The following RELN variants were observed in gnomAD, a reference collection of about 807,000 sequenced individuals.
The protein encoded by RELN is reelin.
RELN carries 108 observed loss-of-function variants against 427.6 expected under a neutral mutation model. The observed-to-expected ratio is 0.25, with a 90% CI of 0.22 to 0.30. RELN has a LOEUF of 0.30. RELN is among the 10% of genes least tolerant of loss of function. RELN has a pLI of 1.00. For missense variants in RELN, 3,715 were observed against 4,302.8 expected (o/e 0.86, Z 3.82); for synonymous variants, 1,524 against 1,513.4 (o/e 1.01, Z -0.16).
chr7:103,739,228 T>C (rs746727667), intron 6 of RELN, among the ~76,000 whole-genome samples: 8 of 152,246 alleles, frequency 5.3e-5, no homozygotes, highest in African/African-American at 1.2e-4. Context: ...GTTTATATTA[T>C]AGTGCAATAA....
intron 3 of RELN, among the ~76,000 whole-genome samples, chr7:103,797,318 C>T (rs1333368185): frequency 2.0e-5 from 3 of 152,052 alleles, no homozygotes; most frequent in Admixed American, 6.6e-5. Context: ...GTTGGCTAGG[C>T]GGTCTCGAAC....
intron 10 of RELN, among the ~76,000 whole-genome samples, chr7:103,691,578 T>A (rs1242371907): frequency 6.6e-6 from 1 of 152,064 alleles, no homozygotes; most frequent in Non-Finnish European, 1.5e-5. Flanking sequence ...TTTAAGAGGC[T>A]GAGGTGGGTG....
At position 103,611,549 on chromosome 7, in the gene RELN, T is replaced by TA. The variant is rs899616164; in HGVS notation, c.2895+61_2895+62insT. 2.9e-5 allele frequency: 39 copies of TA among 1,336,892 alleles called. No individual in the cohort carries two copies. The African/African-American group carries it at 5.3e-4, about 18-fold the overall frequency. The allele number at this position is 1,336,892 out of a possible 1,614,324, so 82.8% of individuals were successfully genotyped here. A position where few individuals can be genotyped will look rare whatever the true frequency, so the allele number is the denominator to read the frequency against. On this transcript the variant is annotated intron_variant, in intron 21 of 64. Transcript: ENST00000428762. ...TCTAGAACTGTAATTTTTTTTTTTTTTGGCTTCCTAGGTAAAAGGCAGAAG... is the reference window on the plus strand; with the variant it reads ...TCTAGAACTGTAATTTTTTTTTTTTTATGGCTTCCTAGGTAAAAGGCAGAAG...
At position 103,486,283 on chromosome 7, in the gene RELN, G is replaced by T. The variant is rs773445172; in HGVS notation, c.9897C>A (p.Ala3299=). 1 of 1,614,152 alleles carries T rather than the reference G, an allele frequency of 6.2e-7. No individual in the cohort carries two copies. The highest frequency in any genetic ancestry group is 2.2e-5 in the East Asian group (1 of 44,882). ...GVIGSGCGQL[A]PYAHGDSLYF... The stretch of plus-strand genomic sequence containing the variant: ...ACAGTGAGTCTCCATGGGCGTAGGG[G>T]GCCAGCTGCCCACAGCCACTTCCTA... The change falls in exon 61 of 65, where the codon GCC becomes GCA. Residue 3299 remains alanine (A), a synonymous_variant. Coordinates refer to ENST00000428762, the MANE Select transcript of RELN (RefSeq NM_005045.4).
At chr7:103,627,859 T>A (rs1012959190) in intron 20 of RELN, 1 of 152,218 alleles carries the variant, frequency 6.6e-6, no homozygotes, top group Admixed American at 6.5e-5. Context: ...ATCAGACTTG[T>A]GTGAAGGGAT....
chr7:103,897,445 G>T (rs1015940062), intron 2 of RELN, among the ~76,000 whole-genome samples: 6 of 152,008 alleles, frequency 3.9e-5, no homozygotes, highest in African/African-American at 1.4e-4. Flanking sequence ...GTGCTCACAT[G>T]TGTATTTATG....
intron 3 of RELN, among the ~76,000 whole-genome samples, chr7:103,820,394 T>G (rs755669057): frequency 6.6e-6 from 1 of 152,038 alleles, no homozygotes; most frequent in South Asian, 2.1e-4. Context: ...AATTCCTCTT[T>G]TGAAGTTTAA....
At chr7:103,509,004 T>C (rs1209394743) in intron 51 of RELN, among the ~76,000 whole-genome samples, 2 of 149,044 alleles carry the variant, frequency 1.3e-5, no homozygotes, top group Admixed American at 6.6e-5. Flanking sequence ...TAAGAGAGGA[T>C]GCAAACAAAC....
intron 2 of RELN, among the ~76,000 whole-genome samples, chr7:103,868,745 C>T (rs533102935): frequency 1.1e-3 from 166 of 152,172 alleles, no homozygotes; most frequent in South Asian, 4.1e-3. Context: ...GACTGTTAAA[C>T]AGTACATATA....
At chr7:103,483,592 T>A in intron 62 of RELN, 61 bp downstream of exon 62, 2 of 1,541,904 alleles carry the variant, frequency 1.3e-6, no homozygotes, top group Non-Finnish European at 1.8e-6. Context: ...AACTTTGTGA[T>A]TCCCAGGGAT....
chr7:103,652,599 A>G lies in RELN; in HGVS notation c.1715T>C (p.Ile572Thr), dbSNP rs1832943582. ...PVLPSTMSHM[I>T]QFSINLGCGT... ...ACATCCCAGATTGATGGAAAACTGTATCATGTGAGACATTGTAGAAGGGAG... is the reference window on the plus strand; with the variant it reads ...ACATCCCAGATTGATGGAAAACTGTGTCATGTGAGACATTGTAGAAGGGAG... The change falls in exon 14 of 65, where the codon ATA (isoleucine) becomes ACA (threonine). Residue 572 changes from isoleucine to threonine, a missense_variant. Ile to Thr is a moderately conservative substitution (Grantham distance 89, BLOSUM62 -1). Coordinates refer to ENST00000428762, the MANE Select transcript of RELN (RefSeq NM_005045.4). 2 of 1,612,796 alleles carry G rather than the reference A, an allele frequency of 1.2e-6. No homozygotes were observed. Among genetic ancestry groups the G allele is most frequent in the Non-Finnish European group, 8.5e-7 (1 of 1,179,286 alleles).
intron 2 of RELN, among the ~76,000 whole-genome samples, chr7:103,905,455 G>A (rs899019866): frequency 1.3e-5 from 2 of 152,030 alleles, no homozygotes; most frequent in African/African-American, 4.8e-5. Flanking sequence ...GTATAGATGT[G>A]TACACATATA....
chr7:103,630,840 G>GTTTTT (rs1265435565), intron 19 of RELN, among the ~76,000 whole-genome samples: 12 of 87,600 alleles, frequency 1.4e-4, no homozygotes, highest in East Asian at 1.2e-3. Context: ...AAAGGGCTGA[G>GTTTTT]TTATTTTTTT....
At chr7:103,611,302 A>G (rs1831948994) in intron 21 of RELN, among the ~76,000 whole-genome samples, 2 of 152,200 alleles carry the variant, frequency 1.3e-5, no homozygotes, top group East Asian at 1.9e-4. Context: ...TTATAAAGAA[A>G]GGGACACATT....
chr7:103,475,079 A>G (rs911027581), intron 64 of RELN, among the ~76,000 whole-genome samples: 4 of 152,094 alleles, frequency 2.6e-5, no homozygotes, highest in African/African-American at 9.7e-5. Flanking sequence ...TTATTTTTCT[A>G]CATTCCTATA....
chr7:103,544,294 A>G (rs1414111352), intron 42 of RELN, among the ~76,000 whole-genome samples: 2 of 121,812 alleles, frequency 1.6e-5, no homozygotes, highest in Non-Finnish European at 3.2e-5. Context: ...GCTAGAGTGC[A>G]GTGGTGTGAT....
In RELN at chr7:103,652,759, C is replaced by T. The variant is rs560704715; in HGVS notation, c.1555G>A (p.Val519Ile). The T allele has an allele frequency of 5.6e-6, 9 of 1,612,426 alleles. No homozygotes were observed. The highest frequency in any genetic ancestry group is 1.3e-5 in the African/African-American group (1 of 74,892). The change falls in exon 14 of 65, where the codon GTT (valine) becomes ATT (isoleucine). Residue 519 changes from valine to isoleucine, a missense_variant and splice_region_variant. Physicochemically the swap from Val to Ile is conservative, Grantham distance 29. This residue lies in a region of RELN where 2,208 missense variants were observed against 2,361.7 expected (regional missense o/e 0.93). Coordinates refer to ENST00000428762, the MANE Select transcript of RELN (RefSeq NM_005045.4). ...ATGACCACAGAAACCAAAGACGGAACCTTTCAAACAAAGGAGACCAGAATC... is the reference window on the plus strand; with the variant it reads ...ATGACCACAGAAACCAAAGACGGAATCTTTCAAACAAAGGAGACCAGAATC... ...LDTLSYSSYK[V>I]PSLVSVVINP...
At position 103,481,452 on chromosome 7, in the gene RELN, A is replaced by C. The variant is rs569682844; in HGVS notation, c.10280+1421T>G. On this transcript the variant is annotated intron_variant, in intron 63 of 64. Coordinates refer to ENST00000428762, the MANE Select transcript of RELN (RefSeq NM_005045.4). ...TTGGCAAGCCACTTGAAAGATAAGA[A>C]GTGGTTATTGACTCTCATTTTATTA... 3.3e-5 allele frequency among the ~76,000 whole-genome samples: 5 copies of C among 152,244 alleles called. 1 individual carries two copies. The South Asian group carries it at 6.2e-4, about 19-fold the overall frequency.
intron 16 of RELN, among the ~76,000 whole-genome samples, chr7:103,644,104 G>T (rs182264137): frequency 4.3e-4 from 65 of 151,194 alleles, no homozygotes; most frequent in African/African-American, 1.4e-3. Context: ...ACATCCTCAA[G>T]AGAAAAAAAA....
Sources: gnomAD v4.1 joint callset for allele counts (sites outside exome capture counted in the v4.1 genomes callset) on GRCh38, gnomAD v4.1.1 for gene constraint, gnomAD v4.1.1 regional missense constraint, MANE v1.5 for transcripts, NCBI Gene and HGNC (gene_info 2026-07-23, HGNC 2026-07-21) for gene names.